Variants in RREB1 observed in about 807,000 individuals in gnomAD.
The protein encoded by RREB1 is ras-responsive element-binding protein 1.
RREB1 carries 27 observed loss-of-function variants against 117.8 expected under a neutral mutation model. The observed-to-expected ratio is 0.23, with a 90% CI of 0.17 to 0.32. RREB1 has a LOEUF of 0.32. RREB1 is among the 10% of genes least tolerant of loss of function. RREB1 has a pLI of 1.00. For synonymous variants in RREB1, 1,298 were observed against 1,026.7 expected (o/e 1.26, Z -5.05); for missense variants, 2,577 against 2,378.2 (o/e 1.08, Z -1.74).
rs1211425838 is a variant in RREB1 at position 7,250,320 on chromosome 6, T to C, written c.*1352T>C. 2 of 152,222 alleles carry C rather than the reference T, an allele frequency of 1.3e-5. No individual in the cohort carries two copies. Among genetic ancestry groups the C allele is most frequent in the Admixed American group, 6.5e-5 (1 of 15,286 alleles). The allele number at this position is 152,222 out of a possible 1,614,324, so 9.4% of individuals were successfully genotyped here. ...AGATGTCAGATAAGAAATAGGTTTA[T>C]ATTTACCTTCCTGCGATGTGGGGTT... is the stretch of plus-strand genomic sequence containing the variant. On this transcript the variant is annotated 3_prime_UTR_variant, in exon 13 of 13. Coordinates refer to ENST00000379938, the MANE Select transcript of RREB1 (RefSeq NM_001003699.4).
chr6:7,128,933 C>T (rs147215924), intron 1 of RREB1, among the ~76,000 whole-genome samples: 678 of 152,296 alleles, frequency 4.5e-3, no homozygotes, highest in Non-Finnish European at 6.7e-3. Flanking sequence ...TGGGCCACTG[C>T]ACTCCAGCTT....
chr6:7,128,070 G>A (rs1030873252), intron 1 of RREB1, among the ~76,000 whole-genome samples: 3 of 152,020 alleles, frequency 2.0e-5, no homozygotes, highest in African/African-American at 4.8e-5. Context: ...GAAGAAATAC[G>A]AATTTTTTAT....
intron 8 of RREB1, chr6:7,218,100 T>A (rs192325088): frequency 1.3e-5 from 2 of 152,376 alleles, no homozygotes. Flanking sequence ...AACACATCAC[T>A]TTCTTTAGAT....
chr6:7,153,575 A>C (rs1763227097), intron 1 of RREB1, among the ~76,000 whole-genome samples: 2 of 152,202 alleles, frequency 1.3e-5, no homozygotes, highest in African/African-American at 4.8e-5. Flanking sequence ...ACAGACCGAA[A>C]ATAGGAGGTT....
intron 1 of RREB1, among the ~76,000 whole-genome samples, chr6:7,144,580 C>T (rs1261442136): frequency 1.3e-5 from 2 of 149,524 alleles, no homozygotes; most frequent in Non-Finnish European, 3.0e-5. Flanking sequence ...TATATAGGTG[C>T]TGTGTTCTCT....
chr6:7,141,918 C>T (rs1192359942), intron 1 of RREB1, among the ~76,000 whole-genome samples: 2 of 152,212 alleles, frequency 1.3e-5, no homozygotes, highest in Admixed American at 1.3e-4. Context: ...GTTTTCTGGG[C>T]CGGGAGCGGT....
intron 4 of RREB1, chr6:7,183,856 G>A (rs1054373282): frequency 6.6e-6 from 1 of 152,262 alleles, no homozygotes; most frequent in East Asian, 1.9e-4. Context: ...GACAGGGAGT[G>A]CTGAGAGACG....
chr6:7,169,861 G>A (rs913499992), intron 1 of RREB1, among the ~76,000 whole-genome samples: 5 of 152,196 alleles, frequency 3.3e-5, no homozygotes, highest in Non-Finnish European at 5.9e-5. Context: ...TAGCTCTCCC[G>A]TGGATCATGT....
intron 1 of RREB1, among the ~76,000 whole-genome samples, chr6:7,133,258 A>G (rs1762226566): frequency 6.6e-6 from 1 of 152,164 alleles, no homozygotes; most frequent in African/African-American, 2.4e-5. Context: ...ACATTCTCTT[A>G]GACATCAGCT....
chr6:7,164,385 T>C (rs1469980460), intron 1 of RREB1, among the ~76,000 whole-genome samples: 3 of 152,234 alleles, frequency 2.0e-5, no homozygotes, highest in Non-Finnish European at 2.9e-5. Flanking sequence ...CTTTCCTTAA[T>C]TGATTTTAGG....
chr6:7,111,848 C>G (rs908870027), intron 1 of RREB1, among the ~76,000 whole-genome samples: 3 of 152,132 alleles, frequency 2.0e-5, no homozygotes, highest in Non-Finnish European at 4.4e-5. Context: ...CCTCTTATTT[C>G]TAGTATTAAT....
intron 1 of RREB1, among the ~76,000 whole-genome samples, chr6:7,110,395 A>G (rs1237173031): frequency 6.6e-6 from 1 of 152,226 alleles, no homozygotes; most frequent in African/African-American, 2.4e-5. Flanking sequence ...GCTATCTTCA[A>G]GAGTCCACAG....
chr6:7,181,762 G>T, intron 3 of RREB1, 108 bp from the exon 4 acceptor site: 1 of 795,422 alleles, frequency 1.3e-6, no homozygotes, highest in Non-Finnish European at 2.2e-6. Context: ...AGACAGCGTT[G>T]GATGTTTTTG....
chr6:7,210,870 A>T lies in RREB1; in HGVS notation c.492A>T (p.Lys164Asn). Residue 164 changes from lysine (K) to asparagine (N), a missense_variant, in exon 7 of 13, where the codon AAA becomes AAT. By Grantham distance (94) the Lys-to-Asn change is moderately conservative (BLOSUM62 0). Coordinates refer to ENST00000379938, the MANE Select transcript of RREB1 (RefSeq NM_001003699.4). ...CCACAGCCCCTCCATCTCCTCTGAA[A>T]CGTAGGCGATTGTCCTCCAAGAGGA... ...ATATAPPSPL[K>N]RRRLSSKRKL... is the part of the protein sequence containing the mutation. The T allele has an allele frequency of 5.6e-6, 9 of 1,614,116 alleles. No individual in the cohort carries two copies. The highest frequency in any genetic ancestry group is 1.3e-5 in the African/African-American group (1 of 75,054).
At chr6:7,201,359 T>C (rs1235076456) in intron 6 of RREB1, among the ~76,000 whole-genome samples, 4 of 152,190 alleles carry the variant, frequency 2.6e-5, no homozygotes, top group East Asian at 1.9e-4. Flanking sequence ...CTTACATTTT[T>C]CCGCCTTTGT....
chr6:7,211,426 G>A (rs1766597890), intron 7 of RREB1, 147 bp from the exon 8 acceptor site: 2 of 663,782 alleles, frequency 3.0e-6, no homozygotes, highest in Non-Finnish European at 5.2e-6. Flanking sequence ...GTGAATGAAT[G>A]AATGGTCAGG....
At chr6:7,125,914 G>A (rs558315012) in intron 1 of RREB1, among the ~76,000 whole-genome samples, 53 of 152,192 alleles carry the variant, frequency 3.5e-4, no homozygotes, top group Non-Finnish European at 6.6e-4. Flanking sequence ...TTATGGAACT[G>A]GCAGATACTG....
intron 1 of RREB1, among the ~76,000 whole-genome samples, chr6:7,116,297 T>C (rs1396112934): frequency 6.6e-6 from 1 of 152,194 alleles, no homozygotes; most frequent in East Asian, 1.9e-4. Flanking sequence ...TTGCCTGGAT[T>C]GTTCATTCTG....
chr6:7,210,880 T>C lies in RREB1; in HGVS notation c.502T>C (p.Leu168=), dbSNP rs1581542664. Residue 168 remains leucine (L), a synonymous_variant, in exon 7 of 13, where the codon TTG becomes CTG. Coordinates refer to ENST00000379938, the MANE Select transcript of RREB1 (RefSeq NM_001003699.4). ...TCCATCTCCTCTGAAACGTAGGCGA[T>C]TGTCCTCCAAGAGGAAACTGAGTCA... ...APPSPLKRRR[L]SSKRKLSHDA... is the part of the protein sequence containing the mutation. The C allele has an allele frequency of 1.2e-6, 2 of 1,614,136 alleles. No homozygotes were observed. The highest frequency in any genetic ancestry group is 1.7e-6 in the Non-Finnish European group (2 of 1,179,950).
Sources: allele counts gnomAD v4.1 joint callset (sites outside exome capture counted in the v4.1 genomes callset), GRCh38; gene constraint gnomAD v4.1.1; transcripts MANE v1.5; gene names NCBI Gene and HGNC (gene_info 2026-07-23, HGNC 2026-07-21).